Variants in CSMD3 observed in about 807,000 individuals in gnomAD.
CSMD3 encodes CUB and Sushi multiple domains 3.
CSMD3 carries 177 observed loss-of-function variants against 435.2 expected under a neutral mutation model. The ratio of observed to expected loss-of-function variants is 0.41; its 90% CI spans 0.36 to 0.46. The LOEUF is 0.46. CSMD3 is among the 20% of genes least tolerant of loss of function. CSMD3 has a pLI of 0.34. For missense variants in CSMD3, 4,265 were observed against 4,504.6 expected (o/e 0.95, Z 1.52); for synonymous variants, 1,656 against 1,520.5 (o/e 1.09, Z -2.07).
At chr8:113,380,202 A>G (rs140880831) in intron 1 of CSMD3, among the ~76,000 whole-genome samples, 4 of 152,222 alleles carry the variant, frequency 2.6e-5, no homozygotes, top group Non-Finnish European at 4.4e-5. Flanking sequence ...TGATATTTCC[A>G]TTAGAGTTGT....
intron 56 of CSMD3, 58 bp from the exon 57 acceptor site, chr8:112,289,596 T>C (rs2130659153): frequency 1.8e-6 from 2 of 1,102,334 alleles, no homozygotes; most frequent in South Asian, 1.4e-5. Flanking sequence ...GAACAACCTA[T>C]ACCAGCATGT....
chr8:113,268,423 G>GGGAAATTCAAGTGTATGGT (rs2093490602), intron 3 of CSMD3, among the ~76,000 whole-genome samples: 1 of 151,642 alleles, frequency 6.6e-6, no homozygotes, highest in Admixed American at 6.6e-5. Context: ...AACAAACTTT[G>GGGAAATTCAAGTGTATGGT]GGAAATTCAA....
intron 10 of CSMD3, among the ~76,000 whole-genome samples, chr8:112,881,301 T>A (rs1385897777): frequency 6.6e-6 from 1 of 152,068 alleles, no homozygotes; most frequent in Non-Finnish European, 1.5e-5. Context: ...TAGAAAGTAC[T>A]GTTTTTTATT....
Position 112,492,627 on chromosome 8 carries a change from C to T in CSMD3, c.5140G>A (p.Gly1714Arg), listed in dbSNP as rs2130853994. 3.1e-6 allele frequency: 5 copies of T among 1,613,876 alleles called. No homozygotes were observed. The highest frequency in any genetic ancestry group is 4.2e-6 in the Non-Finnish European group (5 of 1,179,848). The change falls in exon 31 of 71, where the codon GGA (glycine) becomes AGA (arginine). Residue 1714 changes from glycine (G) to arginine (R), a missense_variant. Physicochemically the swap from Gly to Arg is moderately radical, Grantham distance 125. Around this residue, in one of 3 missense-constraint regions of CSMD3, gnomAD observed 3,255 missense variants for 3,380.2 expected, o/e 0.96. Transcript: ENST00000297405. Reference protein sequence around the residue: ...PGNIMNGTRLGMDYKLGSTVT... With the variant: ...PGNIMNGTRLRMDYKLGSTVT... ...GTTGACCCTAATTTATAATCCATTC[C>T]AAGTCTGGTGCCATTCATTATATTG...
At chr8:112,478,555 T>C (rs1175907462) in intron 31 of CSMD3, among the ~76,000 whole-genome samples, 1 of 152,152 alleles carries the variant, frequency 6.6e-6, no homozygotes, top group African/African-American at 2.4e-5. Context: ...CTGTGCAAAC[T>C]TAAAGTTAAG....
At chr8:113,235,263 T>C (rs1393319261) in intron 3 of CSMD3, among the ~76,000 whole-genome samples, 1 of 152,112 alleles carries the variant, frequency 6.6e-6, no homozygotes, top group Non-Finnish European at 1.5e-5. Flanking sequence ...AGACCACTAA[T>C]GTCCCTCCCT....
intron 7 of CSMD3, among the ~76,000 whole-genome samples, chr8:112,956,371 T>C (rs1370957161): frequency 6.6e-6 from 1 of 152,124 alleles, no homozygotes; most frequent in African/African-American, 2.4e-5. Flanking sequence ...GCTCTAAGTT[T>C]AGTTTTGTCA....
chr8:112,680,510 T>C (rs2075865380), intron 16 of CSMD3, among the ~76,000 whole-genome samples: 1 of 152,226 alleles, frequency 6.6e-6, no homozygotes, highest in Non-Finnish European at 1.5e-5. Context: ...ATATTATCCA[T>C]TTTCCCTTTT....
At chr8:112,595,828 C>T (rs1586762646) in intron 22 of CSMD3, among the ~76,000 whole-genome samples, 1 of 105,844 alleles carries the variant, frequency 9.4e-6, no homozygotes, top group East Asian at 2.5e-4. Flanking sequence ...CCGATTTTGT[C>T]ACCACCAGGC....
intron 12 of CSMD3, among the ~76,000 whole-genome samples, chr8:112,818,194 T>C (rs2079432378): frequency 6.6e-6 from 1 of 152,042 alleles, no homozygotes; most frequent in Admixed American, 6.6e-5. Flanking sequence ...CAATACTTAA[T>C]TCAATACTTT....
intron 25 of CSMD3, among the ~76,000 whole-genome samples, chr8:112,553,899 G>T (rs1827896312): frequency 1.3e-5 from 2 of 151,962 alleles, no homozygotes; most frequent in South Asian, 2.1e-4. Context: ...TGTCAACTTG[G>T]CTGGGCTATT....
chr8:113,396,098 C>T (rs2094482293), intron 1 of CSMD3, among the ~76,000 whole-genome samples: 1 of 152,058 alleles, frequency 6.6e-6, no homozygotes, highest in Non-Finnish European at 1.5e-5. Context: ...ATATTTACTT[C>T]CTCTAAAAAA....
chr8:112,802,703 G>A (rs1404336663), intron 12 of CSMD3, among the ~76,000 whole-genome samples: 2 of 151,708 alleles, frequency 1.3e-5, no homozygotes, highest in Non-Finnish European at 2.9e-5. Context: ...ATGAACGGTA[G>A]TTTTGAATTG....
intron 4 of CSMD3, among the ~76,000 whole-genome samples, chr8:113,137,754 A>G (rs2091452114): frequency 6.6e-6 from 1 of 151,582 alleles, no homozygotes; most frequent in Non-Finnish European, 1.5e-5. Flanking sequence ...TCATGACTCA[A>G]TTACCTCTCA....
chr8:112,724,405 G>T (rs1293755660), intron 13 of CSMD3, among the ~76,000 whole-genome samples: 2 of 151,966 alleles, frequency 1.3e-5, no homozygotes. Flanking sequence ...TTCCAGACAT[G>T]TTTTCAAAGT....
chr8:112,425,750 A>C (rs73702806), intron 32 of CSMD3, among the ~76,000 whole-genome samples: 2,664 of 152,336 alleles, frequency 0.017, 79 homozygotes, highest in African/African-American at 0.06. Context: ...ATGAATTAAT[A>C]ATACTGGCCA....
intron 6 of CSMD3, among the ~76,000 whole-genome samples, chr8:113,016,723 A>C (rs2086473200): frequency 6.6e-6 from 1 of 151,908 alleles, no homozygotes; most frequent in African/African-American, 2.4e-5. Flanking sequence ...ATCTTGAATT[A>C]GTTTTAATGT....
intron 21 of CSMD3, 84 bp downstream of exon 21, chr8:112,638,612 T>C (rs2074731079): frequency 1.2e-6 from 1 of 830,238 alleles, no homozygotes; most frequent in Non-Finnish European, 2.0e-6. Context: ...TTTTTCACTG[T>C]TTTATCATCA....
chr8:113,340,919 G>T lies in CSMD3; in HGVS notation c.179-26126C>A, dbSNP rs147873991. On this transcript the variant is annotated intron_variant, in intron 1 of 70. Coordinates refer to ENST00000297405, the MANE Select transcript of CSMD3 (RefSeq NM_198123.2). ...GTCTACTCCACCAGTGCCAGAAGTAGAAATTGACCTGTATTGCTTTATCTT... is the reference window on the plus strand; with the variant it reads ...GTCTACTCCACCAGTGCCAGAAGTATAAATTGACCTGTATTGCTTTATCTT... Among the ~76,000 whole-genome samples the T allele has an allele frequency of 1.6e-3, 242 of 150,918 alleles. 1 individual carries two copies. Among genetic ancestry groups the T allele is most frequent in the African/African-American group, 5.6e-3 (231 of 41,188 alleles).
Sources: gnomAD v4.1 joint callset for allele counts (sites outside exome capture counted in the v4.1 genomes callset) on GRCh38, gnomAD v4.1.1 for gene constraint, gnomAD v4.1.1 regional missense constraint, MANE v1.5 for transcripts, NCBI Gene and HGNC (gene_info 2026-07-23, HGNC 2026-07-21) for gene names.